Variants in NT5DC3 observed in about 807,000 individuals in gnomAD.
The protein encoded by NT5DC3 is 5'-nucleotidase domain containing 3.
Under a neutral mutation model 67.8 loss-of-function variants are expected in NT5DC3, and 42 were observed. The ratio of observed to expected loss-of-function variants is 0.62; its 90% CI spans 0.48 to 0.80. The LOEUF is 0.80. Among genes scored for constraint, NT5DC3 ranks in the 30% least tolerant of loss-of-function variants. NT5DC3 has a pLI of 0.00. For synonymous variants in NT5DC3, 237 were observed against 255.6 expected, an observed-to-expected ratio of 0.93 and a Z score of 0.69; for missense variants, 570 against 696.4, an observed-to-expected ratio of 0.82 and a Z score of 2.04.
At chr12:103,793,539 C>T (rs750609498) in intron 7 of NT5DC3, 27 bp from the exon 8 acceptor site, 2 of 1,500,072 alleles carry the variant, frequency 1.3e-6, no homozygotes, top group East Asian at 4.5e-5. Flanking sequence ...AATTCACACA[C>T]AGATTCAGCA....
intron 1 of NT5DC3, among the ~76,000 whole-genome samples, chr12:103,816,967 C>CTTTTTTTTTTTTTTTTT (rs376622215): frequency 1.7e-5 from 2 of 118,944 alleles, no homozygotes; most frequent in Non-Finnish European, 3.4e-5. Context: ...TTTCTTTTTT[C>CTTTTTTTTTTTTTTTTT]TTTTTTTTTT....
At chr12:103,763,476 T>C in the NT5DC3 span, 2 of 1,612,746 alleles carry the variant, frequency 1.2e-6, no homozygotes, top group Admixed American at 1.7e-5. Flanking sequence ...GCTTTCATGC[T>C]TGTCTTTCCA....
At chr12:103,765,890 G>T (rs528972877), downstream of NT5DC3, 13 of 355,956 alleles carry the variant, frequency 3.7e-5, no homozygotes, top group South Asian at 2.6e-4. Context: ...GCCACCACTG[G>T]TTCAAGATGA....
At chr12:103,815,641 C>CA (rs1476859037) in intron 1 of NT5DC3, among the ~76,000 whole-genome samples, 1 of 152,102 alleles carries the variant, frequency 6.6e-6, no homozygotes, top group Non-Finnish European at 1.5e-5. Context: ...AGGCTGGTCT[C>CA]AAACTCCTGG....
intron 1 of NT5DC3, among the ~76,000 whole-genome samples, chr12:103,828,974 C>T (rs1321966748): frequency 6.6e-6 from 1 of 152,230 alleles, no homozygotes; most frequent in South Asian, 2.1e-4. Context: ...GCTGGGATTA[C>T]AAGCGTAAGC....
chr12:103,818,886 C>T (rs916822347), intron 1 of NT5DC3, among the ~76,000 whole-genome samples: 3 of 152,146 alleles, frequency 2.0e-5, no homozygotes, highest in Admixed American at 6.5e-5. Flanking sequence ...AATACGACCA[C>T]GTGGCATCGT....
At chr12:103,761,504 C>A in the NT5DC3 span, 1 of 1,154,714 alleles carries the variant, frequency 8.7e-7, no homozygotes, top group African/African-American at 1.5e-5. Context: ...GTCCTCCTCC[C>A]TCTTCCTCCA....
rs115542645 is a variant in NT5DC3 at position 103,799,934 on chromosome 12, C to T, written c.525-1257G>A. On this transcript the variant is annotated intron_variant, in intron 4 of 13. Coordinates refer to ENST00000392876, the MANE Select transcript of NT5DC3 (RefSeq NM_001031701.3). ...CTCTCAAGCGTCAGGAGGGGAAACA[C>T]CTGCTCCTCCACCCCTCCTGTGGAG... Among the ~76,000 whole-genome samples, 1,188 of 152,288 alleles carry T rather than the reference C, an allele frequency of 7.8e-3. 20 individuals carry two copies. Among genetic ancestry groups the T allele is most frequent in the African/African-American group, 0.027 (1,110 of 41,550 alleles).
chr12:103,751,890 G>A, the NT5DC3 span, among the ~76,000 whole-genome samples: 2 of 152,222 alleles, frequency 1.3e-5, no homozygotes, highest in African/African-American at 2.4e-5. Flanking sequence ...TTCTGTTGGA[G>A]CTGTGTGGTT....
Position 103,777,493 on chromosome 12 carries a change from C to T in NT5DC3, c.*336G>A, listed in dbSNP as rs3751205. 3.6e-6 allele frequency: 1 copy of T among 278,816 alleles called. No homozygotes were observed. The highest frequency in any genetic ancestry group is 6.7e-6 in the Non-Finnish European group (1 of 148,424). The allele number at this position is 278,816 out of a possible 1,614,324, so 17.3% of individuals were successfully genotyped here. ...AATGTTCCATGGAGGAGTCAAGAAC[C>T]GTTTCAAGCTTGACCTGCTAGAATA... On this transcript the variant is annotated 3_prime_UTR_variant, in exon 14 of 14. Coordinates refer to ENST00000392876, the MANE Select transcript of NT5DC3 (RefSeq NM_001031701.3).
At chr12:103,837,546 T>G (rs1380785314) in intron 1 of NT5DC3, among the ~76,000 whole-genome samples, 1 of 152,270 alleles carries the variant, frequency 6.6e-6, no homozygotes, top group Non-Finnish European at 1.5e-5. Flanking sequence ...AAGTCACTTC[T>G]TGAATGCTTT....
At chr12:103,806,664 G>A (rs1342245768) in intron 3 of NT5DC3, among the ~76,000 whole-genome samples, 191 bp downstream of exon 3, 1 of 152,120 alleles carries the variant, frequency 6.6e-6, no homozygotes, top group Non-Finnish European at 1.5e-5. Flanking sequence ...ATAGCTAAAT[G>A]CATTTATGCT....
chr12:103,752,591 A>T, the NT5DC3 span, among the ~76,000 whole-genome samples: 2 of 152,216 alleles, frequency 1.3e-5, no homozygotes, highest in Non-Finnish European at 2.9e-5. Flanking sequence ...AAACTTTTTT[A>T]AAAAGCACAG....
At chr12:103,809,421 G>GTTTA (rs1185985237) in intron 2 of NT5DC3, among the ~76,000 whole-genome samples, 2 of 152,172 alleles carry the variant, frequency 1.3e-5, no homozygotes, top group Non-Finnish European at 2.9e-5. Flanking sequence ...AATACACAAT[G>GTTTA]TTTATCTGGT....
the NT5DC3 span, among the ~76,000 whole-genome samples, chr12:103,757,487 TAGA>T: frequency 6.6e-5 from 10 of 152,220 alleles, no homozygotes; most frequent in African/African-American, 2.2e-4. Flanking sequence ...TATTGAGTGC[TAGA>T]AGATGATAGA....
the NT5DC3 span, among the ~76,000 whole-genome samples, chr12:103,760,553 GC>G: frequency 1.3e-5 from 2 of 152,136 alleles, no homozygotes; most frequent in Non-Finnish European, 2.9e-5. Flanking sequence ...GAGCTACCAT[GC>G]CCAGCCCAAA....
chr12:103,793,674 G>T (rs1886168964), intron 7 of NT5DC3, among the ~76,000 whole-genome samples, 162 bp from the exon 8 acceptor site: 2 of 152,170 alleles, frequency 1.3e-5, no homozygotes, highest in Non-Finnish European at 2.9e-5. Context: ...GGTACATCTG[G>T]TGCATCATTC....
At chr12:103,765,919 G>A, downstream of NT5DC3, 1 of 363,752 alleles carries the variant, frequency 2.7e-6, no homozygotes, top group South Asian at 2.2e-5. Context: ...ACCGAAAGGA[G>A]TTTTTATAAT....
chr12:103,839,880 T>A (rs904903048), intron 1 of NT5DC3, among the ~76,000 whole-genome samples: 1 of 152,042 alleles, frequency 6.6e-6, no homozygotes, highest in South Asian at 2.1e-4. Context: ...CCAAAAAAAA[T>A]GGAAAATGTG....
Sources: gnomAD v4.1 joint callset for allele counts (sites outside exome capture counted in the v4.1 genomes callset) on GRCh38, gnomAD v4.1.1 for gene constraint, MANE v1.5 for transcripts, NCBI Gene and HGNC (gene_info 2026-07-23, HGNC 2026-07-21) for gene names.